The following TBC1D5 variants were observed in gnomAD, a reference collection of about 807,000 sequenced individuals.
TBC1D5 encodes the protein TBC1 domain family member 5.
A neutral mutation model predicts 100.3 loss-of-function variants in TBC1D5; 75 were observed. The observed-to-expected ratio is 0.75, with a 90% confidence interval of 0.62 to 0.91. The LOEUF (loss-of-function observed/expected upper bound fraction) is 0.91, where lower values mean the gene tolerates loss of function less well. TBC1D5 is among the 40% of genes least tolerant of loss of function. TBC1D5 has a pLI of 0.00. For synonymous variants in TBC1D5, 323 were observed against 325.6 expected, an observed-to-expected ratio of 0.99 and a Z score of 0.09; for missense variants, 910 against 942.4, an observed-to-expected ratio of 0.97 and a Z score of 0.45.
intron 8 of TBC1D5, among the ~76,000 whole-genome samples, chr3:17,392,363 C>T (rs2093375840): frequency 6.6e-6 from 1 of 151,258 alleles, no homozygotes; most frequent in East Asian, 1.9e-4. Context: ...TCATGTGACC[C>T]TTTTTTTAAA....
At chr3:17,428,763 G>A (rs1264865017) in intron 3 of TBC1D5, among the ~76,000 whole-genome samples, 2 of 151,890 alleles carry the variant, frequency 1.3e-5, no homozygotes, top group Non-Finnish European at 2.9e-5. Context: ...AGGAACAAAT[G>A]AGGCACAGTA....
At chr3:17,528,774 T>C (rs188621912) in intron 2 of TBC1D5, among the ~76,000 whole-genome samples, 8 of 152,324 alleles carry the variant, frequency 5.3e-5, no homozygotes, top group African/African-American at 1.4e-4. Flanking sequence ...GCCAGGTAGT[T>C]ACTCAGTCCA....
At chr3:17,519,120 G>C (rs1232076853) in intron 2 of TBC1D5, 1 of 152,352 alleles carries the variant, frequency 6.6e-6, no homozygotes. Context: ...TTGTATACCA[G>C]GGCTCAGGGA....
At chr3:17,355,639 A>T (rs183110960) in intron 13 of TBC1D5, among the ~76,000 whole-genome samples, 3 of 127,580 alleles carry the variant, frequency 2.4e-5, no homozygotes, top group Non-Finnish European at 5.4e-5. Flanking sequence ...TGTGACAAGA[A>T]AGTAATAAAT....
At chr3:17,214,344 A>G (rs974414531) in exon 18 of TBC1D5, 6 of 1,613,036 alleles carry the variant, frequency 3.7e-6, no homozygotes, top group Non-Finnish European at 5.1e-6. Context: ...ACGCTTGGAG[A>G]TGAACTGATG....
At chr3:17,709,278 G>C (rs2074478379) in intron 1 of TBC1D5, among the ~76,000 whole-genome samples, 1 of 152,172 alleles carries the variant, frequency 6.6e-6, no homozygotes, top group Admixed American at 6.5e-5. Context: ...TGTAAAGGCA[G>C]ACTGGATATT....
In TBC1D5 at chr3:17,404,860, C is replaced by CTATT; in HGVS notation, c.366+8_366+11dup. 6.5e-7 allele frequency: 1 copy of CTATT among 1,541,112 alleles called. No individual in the cohort carries two copies. The highest frequency in any genetic ancestry group is 8.9e-7 in the Non-Finnish European group (1 of 1,128,720). On this transcript the variant is annotated intron_variant, in intron 6 of 21. Coordinates refer to ENST00000253692, the Ensembl canonical transcript of TBC1D5. ...AAAACAATTACATTAATTAAATATA[C>CTATT]TATTTACTTACTATTTCTTTAATGT...
chr3:17,575,574 A>C (rs1423364312), intron 2 of TBC1D5, among the ~76,000 whole-genome samples: 1 of 152,124 alleles, frequency 6.6e-6, no homozygotes, highest in South Asian at 2.1e-4. Context: ...ACACAAGGAA[A>C]GGGATGGCTG....
intron 2 of TBC1D5, among the ~76,000 whole-genome samples, chr3:17,583,327 T>C (rs1231102093): frequency 1.3e-5 from 2 of 152,050 alleles, no homozygotes; most frequent in Non-Finnish European, 2.9e-5. Context: ...GTAAGAAATA[T>C]ATAATCATTT....
chr3:17,533,387 C>T (rs1164050150), intron 2 of TBC1D5, among the ~76,000 whole-genome samples: 4 of 152,120 alleles, frequency 2.6e-5, no homozygotes, highest in Non-Finnish European at 4.4e-5. Flanking sequence ...TACTGAAGTT[C>T]CTGAGCTCCT....
rs34847216 is a variant in TBC1D5, at chr3:17,484,455, G to GGTGTGTGTGTGTGTGTGTGTGTGTGT, written c.97+23993_97+24018dup. Among the ~76,000 whole-genome samples, 178 of 111,536 alleles carry GGTGTGTGTGTGTGTGTGTGTGTGTGT rather than the reference G, an allele frequency of 1.6e-3. 13 individuals are homozygous for GGTGTGTGTGTGTGTGTGTGTGTGTGT. Among genetic ancestry groups the GGTGTGTGTGTGTGTGTGTGTGTGTGT allele is most frequent in the African/African-American group, 6.3e-3 (158 of 24,988 alleles). The allele number at this position is 111,536 out of a possible 152,430, so 73.2% of individuals were successfully genotyped here. A position where few individuals can be genotyped will look rare whatever the true frequency, so the allele number is the denominator to read the frequency against. ...TTTAAAGATAATAAGGTAACACCAG[G>GGTGTGTGTGTGTGTGTGTGTGTGTGT]GTGTGTGTGTGTGTGTGTGTGTGTG... On this transcript the variant is annotated intron_variant, in intron 3 of 21. Coordinates refer to ENST00000253692, the Ensembl canonical transcript of TBC1D5.
intron 3 of TBC1D5, among the ~76,000 whole-genome samples, chr3:17,494,207 G>A (rs780893230): frequency 1.1e-4 from 17 of 151,980 alleles, no homozygotes; most frequent in Non-Finnish European, 1.8e-4. Context: ...GACCCTATTC[G>A]CCTGGGTCAC....
chr3:17,347,549 C>T lies in TBC1D5; in HGVS notation c.995+24526G>A, dbSNP rs1232897364. On this transcript the variant is annotated intron_variant, in intron 13 of 21. Transcript: ENST00000253692. The stretch of plus-strand genomic sequence containing the variant: ...TCATAAGCCTAAATTTTTTTTCTGA[C>T]ATAGCAGGAGGGAAGAGTAATAATA... 2.0e-5 allele frequency among the ~76,000 whole-genome samples: 3 copies of T among 151,608 alleles called. No individual in the cohort carries two copies. In the East Asian group the frequency reaches 5.8e-4, roughly 29 times the overall value.
At chr3:17,364,490 T>C (rs975221690) in intron 13 of TBC1D5, among the ~76,000 whole-genome samples, 1 of 152,228 alleles carries the variant, frequency 6.6e-6, no homozygotes, top group East Asian at 1.9e-4. Flanking sequence ...TTTATGACTA[T>C]ACAAGGCTAT....
At chr3:17,651,828 A>G (rs1347000363) in intron 1 of TBC1D5, among the ~76,000 whole-genome samples, 1 of 152,196 alleles carries the variant, frequency 6.6e-6, no homozygotes, top group Non-Finnish European at 1.5e-5. Context: ...TCTAGAACTT[A>G]AAACCCAAGC....
At chr3:17,672,295 G>A (rs1311370204) in intron 1 of TBC1D5, among the ~76,000 whole-genome samples, 1 of 152,074 alleles carries the variant, frequency 6.6e-6, no homozygotes, top group Admixed American at 6.5e-5. Context: ...TTTTTAAAAT[G>A]TCTAAAAACA....
At chr3:17,270,965 T>C (rs928150203) in intron 15 of TBC1D5, among the ~76,000 whole-genome samples, 2 of 152,200 alleles carry the variant, frequency 1.3e-5, no homozygotes, top group Non-Finnish European at 2.9e-5. Flanking sequence ...TTCTGTTCCA[T>C]TGGCTTATGT....
At chr3:17,670,360 G>A (rs974895392) in intron 1 of TBC1D5, among the ~76,000 whole-genome samples, 4 of 152,156 alleles carry the variant, frequency 2.6e-5, no homozygotes, top group African/African-American at 7.2e-5. Flanking sequence ...TATGGTGTCC[G>A]TAATTTATTT....
intron 1 of TBC1D5, among the ~76,000 whole-genome samples, chr3:17,696,133 C>G (rs908887386): frequency 6.6e-6 from 1 of 151,740 alleles, no homozygotes; most frequent in Non-Finnish European, 1.5e-5. Flanking sequence ...TCTAAATGCC[C>G]ACAGAAGAAA....
Sources: allele counts gnomAD v4.1 joint callset (sites outside exome capture counted in the v4.1 genomes callset), GRCh38; gene constraint gnomAD v4.1.1; transcripts MANE v1.5; gene names NCBI Gene and HGNC (gene_info 2026-07-23, HGNC 2026-07-21).